TUBG2: variants seen among roughly 807,000 people sequenced by gnomAD.
TUBG2 encodes tubulin gamma 2, also known as tubulin gamma-2 chain.
A neutral mutation model predicts 55.1 loss-of-function variants in TUBG2; 39 were observed. That is an observed-to-expected ratio of 0.71 (90% CI 0.55 to 0.93). The LOEUF is 0.93. TUBG2 is among the 40% of genes least tolerant of loss of function. The pLI, the probability that TUBG2 is intolerant of heterozygous loss-of-function variation, is 0.00. For synonymous variants in TUBG2, 223 were observed against 241.0 expected, an observed-to-expected ratio of 0.93 and a Z score of 0.69; for missense variants, 358 against 599.1, an observed-to-expected ratio of 0.60 and a Z score of 4.20.
chr17:42,665,755 C>T lies in TUBG2; in HGVS notation c.771C>T (p.Ile257=), dbSNP rs375112161. 1.5e-5 allele frequency: 25 copies of T among 1,614,114 alleles called. No individual in the cohort carries two copies. The highest frequency in any genetic ancestry group is 1.8e-5 in the Non-Finnish European group (21 of 1,180,044). The change falls in exon 8 of 11, where the codon ATC becomes ATT. Residue 257 remains isoleucine (I), a synonymous_variant. Transcript: ENST00000251412. Reference sequence around the variant, plus strand: ...TGAACAATGACCTCATCGGCCTCATCGCCTCGCTCATTCCCACCCCACGGC... The same window carrying T: ...TGAACAATGACCTCATCGGCCTCATTGCCTCGCTCATTCCCACCCCACGGC... The part of the protein sequence containing the change: ...GYMNNDLIGL[I]ASLIPTPRLH...
Position 42,660,703 on chromosome 17 carries a change from T to C in TUBG2, c.395T>C (p.Leu132Ser). The change falls in exon 4 of 11, where the codon TTG becomes TCG. Residue 132 changes from leucine (L) to serine (S), a missense_variant. By Grantham distance (145) the Leu-to-Ser change is moderately radical. Around this residue, in one of 8 missense-constraint regions of TUBG2, gnomAD observed 30 missense variants for 52.8 expected, o/e 0.57. Transcript: ENST00000251412. Reference sequence around the variant, plus strand: ...CGAGAAGCAGATGGAAGTGACAGTTTGGAGGTGAAGTTATGGAGTGGGGGA... The same window carrying C: ...CGAGAAGCAGATGGAAGTGACAGTTCGGAGGTGAAGTTATGGAGTGGGGGA... Reference protein sequence around the residue: ...IDREADGSDSLEGFVLCHSIA... With the variant: ...IDREADGSDSSEGFVLCHSIA... 6.2e-7 allele frequency: 1 copy of C among 1,613,826 alleles called. No homozygotes were observed. Among genetic ancestry groups the C allele is most frequent in the Admixed American group, 1.7e-5 (1 of 59,978 alleles).
rs766413107 is a variant in TUBG2 at position 42,660,723 on chromosome 17, G to C, written c.399+16G>C. ...CAGTTTGGAGGTGAAGTTATGGAGT[G>C]GGGGAAGGAATGGGCAGGGAGGCCG... On this transcript the variant is annotated intron_variant, in intron 4 of 10. Coordinates refer to ENST00000251412, the MANE Select transcript of TUBG2 (RefSeq NM_016437.3). 18 of 1,613,534 alleles carry C rather than the reference G, an allele frequency of 1.1e-5. No homozygotes were observed. The East Asian group carries it at 3.3e-4, about 30-fold the overall frequency.
rs561546706 is a variant in TUBG2, at chr17:42,666,454, C to T, written c.1128C>T (p.Leu376=). Residue 376 remains leucine (L), a synonymous_variant, in exon 10 of 11, where the codon CTC becomes CTT. Transcript: ENST00000251412. ...CCTCGGCCCACCGGGTCAGCGGGCT[C>T]ATGATGGCCAACCACACCAGCATCT... ...YLPSAHRVSG[L]MMANHTSISS... is the part of the protein sequence containing the mutation. The T allele has an allele frequency of 1.4e-5, 23 of 1,614,174 alleles. No homozygotes were observed. The highest frequency in any genetic ancestry group is 2.2e-5 in the East Asian group (1 of 44,884).
chr17:42,666,570 G>A, intron 10 of TUBG2, 33 bp from the exon 11 acceptor site: 1 of 1,614,100 alleles, frequency 6.2e-7, no homozygotes, highest in Middle Eastern at 1.6e-4. Context: ...CTAACCCCCT[G>A]GCTCGCATTT....
chr17:42,664,604 C>T (rs1182993718), intron 6 of TUBG2, among the ~76,000 whole-genome samples: 1 of 151,852 alleles, frequency 6.6e-6, no homozygotes, highest in East Asian at 1.9e-4. Context: ...GATCAGATTC[C>T]TATATGTGTA....
chr17:42,663,092 C>T, intron 5 of TUBG2, 40 bp downstream of exon 5: 1 of 1,595,116 alleles, frequency 6.3e-7, no homozygotes, highest in Non-Finnish European at 8.6e-7. Flanking sequence ...ACCCTGGTTC[C>T]CTGAGTAATG....
chr17:42,666,031 G>T, intron 8 of TUBG2, 56 bp from the exon 9 acceptor site: 14 of 1,611,030 alleles, frequency 8.7e-6, no homozygotes, highest in Non-Finnish European at 1.2e-5. Context: ...CCAAAGAGAA[G>T]CCAAAGGGAC....
At chr17:42,666,035 A>T in intron 8 of TUBG2, 52 bp from the exon 9 acceptor site, 1 of 1,611,612 alleles carries the variant, frequency 6.2e-7, no homozygotes. Flanking sequence ...AGAGAAGCCA[A>T]AGGGACTGTG....
chr17:42,666,192 T>C lies in TUBG2; in HGVS notation c.949T>C (p.Tyr317His). 3.1e-6 allele frequency: 5 copies of C among 1,613,926 alleles called. No individual in the cohort carries two copies. Among genetic ancestry groups the C allele is most frequent in the Non-Finnish European group, 4.2e-6 (5 of 1,179,846 alleles). ...TGRDRQTNHCYIAILNIIQGE... is the reference protein window; with the variant it reads ...TGRDRQTNHCHIAILNIIQGE... The stretch of plus-strand genomic sequence containing the variant: ...CCGAGACCGCCAGACCAACCACTGC[T>C]ACATCGCCATCCTCAACATCATCCA... Residue 317 changes from tyrosine (Y) to histidine (H), a missense_variant, in exon 9 of 11, where the codon TAC becomes CAC. Around this residue, in one of 8 missense-constraint regions of TUBG2, gnomAD observed 129 missense variants for 251.6 expected, o/e 0.51. Coordinates refer to ENST00000251412, the MANE Select transcript of TUBG2 (RefSeq NM_016437.3).
chr17:42,665,791 C>T lies in TUBG2; in HGVS notation c.807C>T (p.Leu269=), dbSNP rs142197970. ...TTCCCACCCCACGGCTCCACTTCCT[C>T]ATGACCGGCTACACCCCGCTCACTA... ...SLIPTPRLHF[L]MTGYTPLTTD... The change falls in exon 8 of 11, where the codon CTC becomes CTT. Residue 269 remains leucine, a synonymous_variant. Transcript: ENST00000251412. The T allele has an allele frequency of 8.1e-6, 13 of 1,614,094 alleles. No individual in the cohort carries two copies. The highest frequency in any genetic ancestry group is 1.3e-5 in the African/African-American group (1 of 74,940).
At position 42,660,659 on chromosome 17, in the gene TUBG2, C is replaced by T. The variant is rs759516977; in HGVS notation, c.351C>T (p.Asp117=). Residue 117 remains aspartate (D), a synonymous_variant, in exon 4 of 11, where the codon GAC becomes GAT. Coordinates refer to ENST00000251412, the MANE Select transcript of TUBG2 (RefSeq NM_016437.3). ...TACAGGGTGAGAAAATTCATGAAGA[C>T]ATCTTTGACATCATAGACCGAGAAG... The part of the protein sequence containing the change: ...GFSQGEKIHE[D]IFDIIDREAD... The T allele has an allele frequency of 5.6e-6, 9 of 1,614,114 alleles. No individual in the cohort carries two copies. The East Asian group carries it at 1.6e-4, about 28-fold the overall frequency.
At position 42,663,495 on chromosome 17, in the gene TUBG2, G is replaced by C. The variant is rs1484892395; in HGVS notation, c.598G>C (p.Asp200His). 2 of 1,613,906 alleles carry C rather than the reference G, an allele frequency of 1.2e-6. No homozygotes were observed. Among genetic ancestry groups the C allele is most frequent in the East Asian group, 2.2e-5 (1 of 44,892 alleles). ...LTLKRLTQNA[D>H]CVVVLDNTAL... ...ACTCAAGAGGCTGACGCAGAACGCA[G>C]ATTGTGTGGTGAGCAAAGAAAGAGT... Residue 200 changes from aspartate to histidine, a missense_variant, in exon 6 of 11, where the codon GAT becomes CAT. By Grantham distance (81) the Asp-to-His change is moderately conservative (BLOSUM62 -1). Coordinates refer to ENST00000251412, the MANE Select transcript of TUBG2 (RefSeq NM_016437.3).
chr17:42,664,868 A>ATATAT (rs2052483210), intron 6 of TUBG2, among the ~76,000 whole-genome samples: 2 of 75,684 alleles, frequency 2.6e-5, no homozygotes, highest in Non-Finnish European at 5.8e-5. Flanking sequence ...ATATATATAT[A>ATATAT]TATTATATAT....
At chr17:42,662,854 A>G (rs1349828629) in intron 4 of TUBG2, 119 bp from the exon 5 acceptor site, 2 of 864,532 alleles carry the variant, frequency 2.3e-6, no homozygotes, top group South Asian at 3.3e-5. Context: ...GCTGGCATCT[A>G]CTGTAGAATT....
chr17:42,663,753 G>A (rs2143521207), intron 6 of TUBG2, among the ~76,000 whole-genome samples: 1 of 152,242 alleles, frequency 6.6e-6, no homozygotes, highest in South Asian at 2.1e-4. Context: ...AGACCAGCCT[G>A]ACCAACATGA....
chr17:42,665,293 C>T (rs191857882), intron 6 of TUBG2, among the ~76,000 whole-genome samples, 183 bp from the exon 7 acceptor site: 30 of 152,028 alleles, frequency 2.0e-4, no homozygotes, highest in African/African-American at 5.5e-4. Flanking sequence ...GTGATCCGCC[C>T]GTCTCGGCCT....
Position 42,663,416 on chromosome 17 carries a change from C to T in TUBG2, c.519C>T (p.Pro173=), listed in dbSNP as rs114427884. The T allele has an allele frequency of 1.9e-3, 3,131 of 1,614,094 alleles. 43 individuals are homozygous for T. In the African/African-American group the frequency reaches 0.035, roughly 18 times the overall value. ...KKLVQTYSVF[P]YQDEMSDVVV... ...TAGTGCAGACTTATTCAGTGTTTCC[C>T]TACCAGGACGAGATGAGCGACGTAG... Residue 173 remains proline (P), a synonymous_variant, in exon 6 of 11, where the codon CCC becomes CCT. Transcript: ENST00000251412.
chr17:42,661,695 G>A (rs544057662), intron 4 of TUBG2, among the ~76,000 whole-genome samples: 1 of 152,148 alleles, frequency 6.6e-6, no homozygotes, highest in African/African-American at 2.4e-5. Context: ...GCTTCCCCTC[G>A]GTATCTCTTC....
chr17:42,664,899 ATTT>A (rs2052485067), intron 6 of TUBG2, among the ~76,000 whole-genome samples: 1 of 147,068 alleles, frequency 6.8e-6, no homozygotes, highest in African/African-American at 2.5e-5. Context: ...TTTTATTTAT[ATTT>A]TTTACAGAGA....
Sources: gnomAD v4.1 joint callset for allele counts (sites outside exome capture counted in the v4.1 genomes callset) on GRCh38, gnomAD v4.1.1 for gene constraint, gnomAD v4.1.1 regional missense constraint, MANE v1.5 for transcripts, NCBI Gene and HGNC (gene_info 2026-07-23, HGNC 2026-07-21) for gene names.